The following PRC1 variants were observed in gnomAD, a reference collection of about 807,000 sequenced individuals.
The protein encoded by PRC1 is protein regulator of cytokinesis 1.
A neutral mutation model predicts 91.2 loss-of-function variants in PRC1; 54 were observed. That is an observed-to-expected ratio of 0.59 (90% CI 0.48 to 0.74). The LOEUF (loss-of-function observed/expected upper bound fraction) is 0.74, where lower values mean the gene tolerates loss of function less well. Ranked by LOEUF, PRC1 falls within the 30% of genes least tolerant of loss-of-function variation. PRC1 has a pLI of 0.00. For missense variants in PRC1, 727 were observed against 746.2 expected (o/e 0.97, Z 0.30); for synonymous variants, 275 against 263.6 (o/e 1.04, Z -0.42).
chr15:90,980,450 A>G (rs944573782), intron 6 of PRC1, 61 bp from the exon 7 acceptor site: 15 of 1,551,256 alleles, frequency 9.7e-6, no homozygotes, highest in East Asian at 2.3e-5. Context: ...CAGGTTTGCA[A>G]AAGATCCCCC....
chr15:90,979,070 A>G (rs2038976231), intron 8 of PRC1, 88 bp downstream of exon 8: 24 of 1,441,144 alleles, frequency 1.7e-5, no homozygotes, highest in Admixed American at 6.8e-5. Context: ...GGGGTATCAA[A>G]AGCCTGGCAA....
At chr15:90,992,806 G>A (rs1327002539) in intron 1 of PRC1, among the ~76,000 whole-genome samples, 2 of 151,818 alleles carry the variant, frequency 1.3e-5, no homozygotes, top group Non-Finnish European at 2.9e-5. Flanking sequence ...TTCCAGTCTT[G>A]AACATAAATC....
intron 1 of PRC1, among the ~76,000 whole-genome samples, chr15:90,990,563 G>C (rs1289380355): frequency 6.6e-6 from 1 of 151,626 alleles, no homozygotes; most frequent in Admixed American, 6.6e-5. Context: ...GGAGAATTTG[G>C]ACCATGGGGT....
rs747841504 is a variant in PRC1, at chr15:90,969,668, C to T, written c.1573-45G>A. On this transcript the variant is annotated intron_variant, in intron 12 of 14. Transcript: ENST00000394249. ...ATCCATGTATCATCCTTCTAATGAACGTGCACACGCACACACAATACCTGC... is the reference window on the plus strand; with the variant it reads ...ATCCATGTATCATCCTTCTAATGAATGTGCACACGCACACACAATACCTGC... The T allele has an allele frequency of 2.3e-5, 35 of 1,531,286 alleles. No individual in the cohort carries two copies. In the East Asian group the frequency reaches 3.2e-4, roughly 14 times the overall value. 94.9% of individuals were successfully genotyped at this position (1,531,286 alleles called of 1,614,324 possible).
At chr15:90,987,512 T>C (rs1458664030) in intron 1 of PRC1, 2 of 152,214 alleles carry the variant, frequency 1.3e-5, no homozygotes, top group Non-Finnish European at 2.9e-5. Flanking sequence ...TTATCTAAAA[T>C]ACAAATTTAA....
At chr15:90,992,797 T>TC (rs1440980630) in intron 1 of PRC1, among the ~76,000 whole-genome samples, 1 of 152,080 alleles carries the variant, frequency 6.6e-6, no homozygotes, top group Non-Finnish European at 1.5e-5. Flanking sequence ...AGTCAGTTTT[T>TC]CCAGTCTTGA....
chr15:90,978,802 G>C (rs1350660917), intron 8 of PRC1, among the ~76,000 whole-genome samples: 1 of 142,012 alleles, frequency 7.0e-6, no homozygotes, highest in Non-Finnish European at 1.5e-5. Context: ...GGGAGCTCTA[G>C]CAGCCATCCT....
intron 1 of PRC1, among the ~76,000 whole-genome samples, chr15:90,993,210 A>ATTT (rs2040083340): frequency 2.6e-5 from 3 of 114,752 alleles, no homozygotes; most frequent in Non-Finnish European, 3.2e-5. Context: ...CTGTTAATGG[A>ATTT]CTTTTTTTTT....
At chr15:90,972,738 C>CAAA in intron 11 of PRC1, 1 of 137,798 alleles carries the variant, frequency 7.3e-6, no homozygotes, top group Non-Finnish European at 1.6e-5. Flanking sequence ...AACTCCATCT[C>CAAA]AAAAAAAAAA....
chr15:90,990,645 T>C (rs972024031), intron 1 of PRC1, among the ~76,000 whole-genome samples: 5 of 152,128 alleles, frequency 3.3e-5, no homozygotes, highest in African/African-American at 7.2e-5. Flanking sequence ...GCAGTGATGA[T>C]TGCACAACTC....
chr15:90,993,567 C>T (rs776764807), intron 1 of PRC1, among the ~76,000 whole-genome samples: 1 of 152,200 alleles, frequency 6.6e-6, no homozygotes, highest in Non-Finnish European at 1.5e-5. Flanking sequence ...ACTGCATCCA[C>T]AACTTTTAGA....
chr15:90,994,319 G>T, intron 1 of PRC1, 88 bp downstream of exon 1: 2 of 1,583,060 alleles, frequency 1.3e-6, no homozygotes, highest in South Asian at 2.2e-5. Flanking sequence ...CCGGGACCCC[G>T]CACGGGTCCC....
intron 8 of PRC1, among the ~76,000 whole-genome samples, chr15:90,977,750 A>ATTT (rs1312858108): frequency 1.1e-4 from 17 of 151,570 alleles, no homozygotes; most frequent in African/African-American, 3.6e-4. Flanking sequence ...TGCCCGGCTA[A>ATTT]TTTTTTTGTA....
At position 90,984,926 on chromosome 15, in the gene PRC1, C is replaced by A; in HGVS notation, c.12-101G>T. 4 of 1,447,834 alleles carry A rather than the reference C, an allele frequency of 2.8e-6. No homozygotes were observed. Among genetic ancestry groups the A allele is most frequent in the South Asian group, 1.3e-5 (1 of 74,998 alleles). 89.7% of individuals were successfully genotyped at this position (1,447,834 alleles called of 1,614,324 possible). A position where few individuals can be genotyped will look rare whatever the true frequency, so the allele number is the denominator to read the frequency against. On this transcript the variant is annotated intron_variant, in intron 1 of 14. Transcript: ENST00000394249. The surrounding 1 kb of genome is among the most constrained non-coding windows in gnomAD (Gnocchi z 5.1). ...AAAAAGACTAGCTTCTCAGTGGCCT[C>A]GAGAAAAAAACAAATTGAAAACAAG... is the stretch of plus-strand genomic sequence containing the variant.
At chr15:90,969,909 ACT>A (rs1218891051) in intron 12 of PRC1, among the ~76,000 whole-genome samples, 3 of 151,766 alleles carry the variant, frequency 2.0e-5, no homozygotes, top group Admixed American at 6.6e-5. Context: ...ATAGCAAAAC[ACT>A]GTCTCTAGAA....
rs543288036 is a variant in PRC1, at chr15:90,980,405, T to G, written c.823-16A>C. On this transcript the variant is annotated splice_polypyrimidine_tract_variant and intron_variant, in intron 6 of 14. Transcript: ENST00000394249. ...CTAATTGCAGCTGAAAGAAAGAAACTTGTTAAGGGTGGCTGCCATAGTTTT... is the reference window on the plus strand; with the variant it reads ...CTAATTGCAGCTGAAAGAAAGAAACGTGTTAAGGGTGGCTGCCATAGTTTT... 6.2e-7 allele frequency: 1 copy of G among 1,610,736 alleles called. No individual in the cohort carries two copies. Among genetic ancestry groups the G allele is most frequent in the South Asian group, 1.1e-5 (1 of 90,434 alleles).
At position 90,967,156 on chromosome 15, in the gene PRC1, A is replaced by C. The variant is rs1399543346; in HGVS notation, c.1838T>G (p.Leu613Arg). The change falls in exon 15 of 15, where the codon CTC (leucine) becomes CGC (arginine). Residue 613 changes from leucine to arginine, a missense_variant. Coordinates refer to ENST00000394249, the MANE Select transcript of PRC1 (RefSeq NM_003981.4). ...TCAGGACTGGATGTTGGTTGAATTG[A>C]GGATTCCAGAAGTAGCATCAGATTT... is the stretch of plus-strand genomic sequence containing the variant. ...ASKSDATSGILNSTNIQS is the reference protein window; with the variant it reads ...ASKSDATSGIRNSTNIQS The C allele has an allele frequency of 1.2e-6, 2 of 1,614,152 alleles. No individual in the cohort carries two copies. The highest frequency in any genetic ancestry group is 1.7e-6 in the Non-Finnish European group (2 of 1,179,968).
chr15:90,966,829 T>G lies in PRC1; in HGVS notation c.*302A>C. ...CTACAGTGGTGAAATAAAACAAGCTTTGATCATGCTTCAGCAAGTAGAATT... is the reference window on the plus strand; with the variant it reads ...CTACAGTGGTGAAATAAAACAAGCTGTGATCATGCTTCAGCAAGTAGAATT... On this transcript the variant is annotated 3_prime_UTR_variant, in exon 15 of 15. Transcript: ENST00000394249. The G allele has an allele frequency of 2.1e-6, 1 of 479,544 alleles. No homozygotes were observed. The highest frequency in any genetic ancestry group is 3.8e-6 in the Non-Finnish European group (1 of 260,152). The allele number at this position is 479,544 out of a possible 1,614,324, so 29.7% of individuals were successfully genotyped here.
At chr15:90,969,142 A>G (rs1324104941) in intron 13 of PRC1, 22 bp from the exon 14 acceptor site, 4 of 1,601,748 alleles carry the variant, frequency 2.5e-6, no homozygotes, top group Non-Finnish European at 3.4e-6. Flanking sequence ...GAATTAAGAC[A>G]ATTACCAAGA....
Sources: allele counts gnomAD v4.1 joint callset (sites outside exome capture counted in the v4.1 genomes callset), GRCh38; gene constraint gnomAD v4.1.1; non-coding constraint Gnocchi (gnomAD v3.1); transcripts MANE v1.5; gene names NCBI Gene and HGNC (gene_info 2026-07-23, HGNC 2026-07-21).